PTPRD: variants seen among roughly 807,000 people sequenced by gnomAD.
The protein encoded by PTPRD is protein tyrosine phosphatase receptor type D.
PTPRD carries 34 observed loss-of-function variants against 214.5 expected under a neutral mutation model. The observed-to-expected ratio is 0.16, with a 90% CI of 0.12 to 0.21. PTPRD has a LOEUF of 0.21. Among genes scored for constraint, PTPRD ranks in the 10% least tolerant of loss-of-function variants. PTPRD has a pLI of 1.00. For missense variants in PTPRD, 2,545 were observed against 2,398.7 expected (o/e 1.06, Z -1.27); for synonymous variants, 1,128 against 845.7 (o/e 1.33, Z -5.79).
intron 9 of PTPRD, among the ~76,000 whole-genome samples, chr9:9,287,172 C>T (rs754502870): frequency 6.0e-5 from 9 of 151,204 alleles, no homozygotes; most frequent in East Asian, 2.0e-4. Context: ...TTGCATTGAG[C>T]GGAGATCACA....
At chr9:10,118,951 T>A (rs537472326) in intron 3 of PTPRD, among the ~76,000 whole-genome samples, 3 of 151,494 alleles carry the variant, frequency 2.0e-5, no homozygotes, top group Non-Finnish European at 4.4e-5. Flanking sequence ...AAGAGATACA[T>A]AGAATAAAAA....
At chr9:9,937,420 GATAA>G (rs1414577631) in intron 5 of PTPRD, among the ~76,000 whole-genome samples, 1 of 110,254 alleles carries the variant, frequency 9.1e-6, no homozygotes, top group Non-Finnish European at 1.8e-5. Flanking sequence ...TAGTTCCATA[GATAA>G]ATAAAAAAAA....
chr9:10,363,970 T>C (rs1449367487), intron 2 of PTPRD, among the ~76,000 whole-genome samples: 1 of 148,120 alleles, frequency 6.8e-6, no homozygotes, highest in Non-Finnish European at 1.5e-5. Context: ...TGTACTATTA[T>C]TATTGCCTCC....
At chr9:8,539,609 G>T (rs971603002) in intron 14 of PTPRD, among the ~76,000 whole-genome samples, 8 of 151,930 alleles carry the variant, frequency 5.3e-5, no homozygotes, top group Non-Finnish European at 7.4e-5. Context: ...CACCAGTAAA[G>T]GGATAATTCA....
intron 5 of PTPRD, among the ~76,000 whole-genome samples, chr9:9,877,802 T>C: frequency 6.6e-6 from 1 of 151,866 alleles, no homozygotes; most frequent in Non-Finnish European, 1.5e-5. Flanking sequence ...AGGAGAAACC[T>C]GTCTCTACTG....
intron 14 of PTPRD, among the ~76,000 whole-genome samples, chr9:8,583,071 A>G (rs1160194630): frequency 1.3e-5 from 2 of 152,230 alleles, no homozygotes; most frequent in Non-Finnish European, 1.5e-5. Flanking sequence ...GTTTTGGCCA[A>G]GATGAAACTG....
At chr9:9,240,500 G>C (rs2099969816) in intron 9 of PTPRD, among the ~76,000 whole-genome samples, 1 of 152,110 alleles carries the variant, frequency 6.6e-6, no homozygotes, top group Non-Finnish European at 1.5e-5. Context: ...GTGAAGCCCT[G>C]TCTCTACTAG....
At chr9:9,101,817 T>C (rs2099791823) in intron 10 of PTPRD, among the ~76,000 whole-genome samples, 1 of 152,224 alleles carries the variant, frequency 6.6e-6, no homozygotes, top group Non-Finnish European at 1.5e-5. Flanking sequence ...AAATTATTCC[T>C]TAATCATACA....
chr9:9,234,539 C>T (rs143073505), intron 9 of PTPRD, among the ~76,000 whole-genome samples: 1 of 152,294 alleles, frequency 6.6e-6, no homozygotes, highest in Non-Finnish European at 1.5e-5. Flanking sequence ...TTGTTTTCTT[C>T]TTTTCTATGA....
chr9:9,329,806 G>A (rs920227689), intron 9 of PTPRD, among the ~76,000 whole-genome samples: 1 of 152,158 alleles, frequency 6.6e-6, no homozygotes, highest in Admixed American at 6.6e-5. Context: ...TAATGCAAAT[G>A]GGTTTTCAGT....
chr9:9,527,671 T>G (rs934823012), intron 8 of PTPRD, among the ~76,000 whole-genome samples: 1 of 152,176 alleles, frequency 6.6e-6, no homozygotes, highest in Non-Finnish European at 1.5e-5. Context: ...CATCTATCCT[T>G]AGTCATTTTT....
intron 7 of PTPRD, among the ~76,000 whole-genome samples, chr9:9,592,675 C>T (rs1006842599): frequency 2.0e-5 from 3 of 151,944 alleles, no homozygotes; most frequent in African/African-American, 7.2e-5. Context: ...ATTTTTTCCC[C>T]ATAGCCTACA....
At chr9:9,536,819 G>A (rs2076609084) in intron 8 of PTPRD, among the ~76,000 whole-genome samples, 11 of 152,020 alleles carry the variant, frequency 7.2e-5, no homozygotes, top group Admixed American at 7.2e-4. Flanking sequence ...TGCTGAAGCT[G>A]TATTCAGCCC....
chr9:9,851,471 TACA>T (rs1210263628), intron 5 of PTPRD, among the ~76,000 whole-genome samples: 1 of 152,230 alleles, frequency 6.6e-6, no homozygotes, highest in Non-Finnish European at 1.5e-5. Context: ...CAAGTGAAGT[TACA>T]ACAAGTACTG....
intron 12 of PTPRD, among the ~76,000 whole-genome samples, chr9:8,657,728 G>T (rs1036199480): frequency 5.9e-5 from 9 of 152,036 alleles, no homozygotes; most frequent in Non-Finnish European, 2.9e-5. Flanking sequence ...GTCCTGAATG[G>T]TACTAAGGAA....
intron 11 of PTPRD, among the ~76,000 whole-genome samples, chr9:9,003,321 C>G (rs1348742281): frequency 6.6e-6 from 1 of 151,920 alleles, no homozygotes. Context: ...ATCCCTAACG[C>G]TCTGAATACT....
chr9:8,839,633 T>A (rs2097519579), intron 11 of PTPRD, among the ~76,000 whole-genome samples: 1 of 152,196 alleles, frequency 6.6e-6, no homozygotes, highest in African/African-American at 2.4e-5. Context: ...CTGAAACTAG[T>A]ATTCTCAATC....
intron 10 of PTPRD, among the ~76,000 whole-genome samples, chr9:9,140,271 T>C (rs1038504095): frequency 2.0e-5 from 3 of 152,152 alleles, no homozygotes; most frequent in Non-Finnish European, 4.4e-5. Flanking sequence ...ATGCAGTGTT[T>C]TATCTTGATA....
chr9:8,500,896 A>G lies in PTPRD; in HGVS notation c.1986T>C (p.Ile662=), dbSNP rs760953800. Residue 662 remains isoleucine (I), a synonymous_variant, in exon 24 of 46, where the codon ATT becomes ATC. Transcript: ENST00000381196. The part of the protein sequence containing the change: ...VDGEDDKPHE[I]LGIPSDTTKY... Reference sequence around the variant, plus strand: ...TGGTAGTGTCCGAAGGAATTCCCAAAATCTCGTGAGGCTTGTCATCTTCCC... The same window carrying G: ...TGGTAGTGTCCGAAGGAATTCCCAAGATCTCGTGAGGCTTGTCATCTTCCC... 24 of 1,614,044 alleles carry G rather than the reference A, an allele frequency of 1.5e-5. No homozygotes were observed. In the Admixed American group the frequency reaches 1.5e-4, roughly 10 times the overall value.
Sources: gnomAD v4.1 joint callset for allele counts (sites outside exome capture counted in the v4.1 genomes callset) on GRCh38, gnomAD v4.1.1 for gene constraint, MANE v1.5 for transcripts, NCBI Gene and HGNC (gene_info 2026-07-23, HGNC 2026-07-21) for gene names.